The following ITGBL1 variants were observed in gnomAD, a reference collection of about 807,000 sequenced individuals.
ITGBL1 encodes the protein integrin subunit beta like 1.
In ITGBL1, 51 loss-of-function variants were observed where a neutral mutation model predicts 68.5. The ratio of observed to expected loss-of-function variants is 0.74; its 90% CI spans 0.59 to 0.94. ITGBL1 has a LOEUF of 0.94. Among genes scored for constraint, ITGBL1 ranks in the 40% least tolerant of loss-of-function variants. The pLI is 0.00. For missense variants in ITGBL1, 649 were observed against 647.4 expected (o/e 1.00, Z -0.03); for synonymous variants, 209 against 227.3 (o/e 0.92, Z 0.72).
intron 7 of ITGBL1, among the ~76,000 whole-genome samples, chr13:101,645,235 G>T (rs1241481530): frequency 6.6e-6 from 1 of 152,098 alleles, no homozygotes; most frequent in African/African-American, 2.4e-5. Context: ...TAAGATATCT[G>T]CAGGGACCCT....
chr13:101,599,013 C>T (rs556313877), intron 7 of ITGBL1, among the ~76,000 whole-genome samples: 2 of 152,268 alleles, frequency 1.3e-5, no homozygotes, highest in South Asian at 4.2e-4. Context: ...ATTGTCACAC[C>T]GACTTCCACA....
chr13:101,647,836 G>T (rs978190942), intron 7 of ITGBL1, among the ~76,000 whole-genome samples: 1 of 152,184 alleles, frequency 6.6e-6, no homozygotes, highest in Non-Finnish European at 1.5e-5. Flanking sequence ...CAAAGCATTT[G>T]CCAATTCAAG....
chr13:101,589,712 T>C (rs891173808), intron 6 of ITGBL1, among the ~76,000 whole-genome samples: 2 of 152,194 alleles, frequency 1.3e-5, no homozygotes, highest in Non-Finnish European at 2.9e-5. Context: ...TGGCTGCAGG[T>C]GTGTTATTGA....
At chr13:101,523,354 G>C (rs2049317945) in intron 2 of ITGBL1, among the ~76,000 whole-genome samples, 1 of 152,152 alleles carries the variant, frequency 6.6e-6, no homozygotes, top group Non-Finnish European at 1.5e-5. Context: ...CTTTGTGAGA[G>C]TCCGCCTCCA....
intron 7 of ITGBL1, among the ~76,000 whole-genome samples, chr13:101,605,707 T>C (rs1397424820): frequency 2.6e-5 from 4 of 151,586 alleles, no homozygotes; most frequent in Non-Finnish European, 5.9e-5. Flanking sequence ...TAGACTTATG[T>C]ATGTGCGTAT....
chr13:101,573,808 A>G (rs1252536801), intron 3 of ITGBL1, among the ~76,000 whole-genome samples: 2 of 152,144 alleles, frequency 1.3e-5, no homozygotes, highest in Non-Finnish European at 1.5e-5. Flanking sequence ...TAGATTTGCT[A>G]ATATCTAGTA....
At chr13:101,536,659 C>A (rs189785022) in intron 2 of ITGBL1, among the ~76,000 whole-genome samples, 3 of 152,066 alleles carry the variant, frequency 2.0e-5, no homozygotes, top group Non-Finnish European at 4.4e-5. Flanking sequence ...GACCTAGGTA[C>A]AATATGTATT....
intron 7 of ITGBL1, among the ~76,000 whole-genome samples, chr13:101,653,273 A>T (rs1424426079): frequency 1.3e-5 from 2 of 152,112 alleles, no homozygotes; most frequent in Non-Finnish European, 2.9e-5. Flanking sequence ...CATGGTGGAA[A>T]AGCCTGTTAC....
At chr13:101,554,304 G>A (rs964322689) in intron 2 of ITGBL1, among the ~76,000 whole-genome samples, 3 of 152,176 alleles carry the variant, frequency 2.0e-5, no homozygotes, top group African/African-American at 7.2e-5. Context: ...CATTTAGGTT[G>A]CTCTCAATCA....
At chr13:101,618,855 GA>G (rs1269290879) in intron 7 of ITGBL1, among the ~76,000 whole-genome samples, 4 of 151,928 alleles carry the variant, frequency 2.6e-5, no homozygotes, top group African/African-American at 7.2e-5. Context: ...GTTTAAGGGA[GA>G]AAAAAAATAT....
Position 101,583,310 on chromosome 13 carries a change from G to A in ITGBL1, c.822G>A (p.Arg274=). 1.2e-6 allele frequency: 2 copies of A among 1,612,250 alleles called. No homozygotes were observed. The highest frequency in any genetic ancestry group is 2.2e-5 in the East Asian group (1 of 44,760). The change falls in exon 6 of 11, where the codon AGG becomes AGA. Residue 274 remains arginine, a synonymous_variant. Coordinates refer to ENST00000376180, the MANE Select transcript of ITGBL1 (RefSeq NM_004791.3). The part of the protein sequence containing the change: ...IHGDTCECDE[R]DCRAVYDRYS... ...GGGACACCTGTGAATGTGATGAGAG[G>A]GACTGTAGAGCTGTCTATGACCGAT...
intron 2 of ITGBL1, among the ~76,000 whole-genome samples, chr13:101,480,107 A>T (rs575287740): frequency 6.6e-6 from 1 of 152,090 alleles, no homozygotes; most frequent in African/African-American, 2.4e-5. Context: ...AAAATGTGGT[A>T]TCTATACACA....
At chr13:101,610,535 G>T (rs1379084863) in intron 7 of ITGBL1, among the ~76,000 whole-genome samples, 2 of 152,218 alleles carry the variant, frequency 1.3e-5, no homozygotes, top group East Asian at 3.9e-4. Context: ...AATATTTATT[G>T]ATCTTACCAC....
chr13:101,524,463 T>C (rs2049338999), intron 2 of ITGBL1, among the ~76,000 whole-genome samples: 1 of 152,002 alleles, frequency 6.6e-6, no homozygotes, highest in African/African-American at 2.4e-5. Context: ...TAGAGTAGAC[T>C]GTGAAAAAAA....
intron 7 of ITGBL1, among the ~76,000 whole-genome samples, chr13:101,598,831 A>G (rs1464626810): frequency 2.0e-5 from 3 of 152,058 alleles, no homozygotes; most frequent in Non-Finnish European, 4.4e-5. Flanking sequence ...AATCCAGTCT[A>G]TCATTGTTGG....
At chr13:101,641,870 T>C (rs9554814) in intron 7 of ITGBL1, among the ~76,000 whole-genome samples, 30,734 of 151,464 alleles carry the variant, frequency 0.2, 3,434 homozygotes, top group East Asian at 0.43. Context: ...ATTTCATCCA[T>C]GTCCCTACAA....
intron 7 of ITGBL1, among the ~76,000 whole-genome samples, chr13:101,644,733 C>T (rs1299002380): frequency 6.6e-6 from 1 of 151,976 alleles, no homozygotes; most frequent in Non-Finnish European, 1.5e-5. Context: ...AAGAAAAATC[C>T]AGTAACTCTT....
intron 7 of ITGBL1, among the ~76,000 whole-genome samples, chr13:101,622,275 T>C (rs1444501578): frequency 1.3e-5 from 2 of 152,220 alleles, no homozygotes; most frequent in South Asian, 2.1e-4. Flanking sequence ...CTCATCAACC[T>C]CATGATGATG....
chr13:101,595,542 G>T (rs986575956), intron 6 of ITGBL1, among the ~76,000 whole-genome samples: 2 of 152,016 alleles, frequency 1.3e-5, no homozygotes, highest in Non-Finnish European at 2.9e-5. Context: ...ATGGGCAAAT[G>T]ACCTGAATAG....
Sources: allele counts gnomAD v4.1 joint callset (sites outside exome capture counted in the v4.1 genomes callset), GRCh38; gene constraint gnomAD v4.1.1; transcripts MANE v1.5; gene names NCBI Gene and HGNC (gene_info 2026-07-23, HGNC 2026-07-21).